Variants in NTAQ1 observed in about 807,000 individuals in gnomAD.
The protein encoded by NTAQ1 is N-terminal glutamine amidase 1.
Under a neutral mutation model 28.2 loss-of-function variants are expected in NTAQ1, and 21 were observed. The ratio of observed to expected loss-of-function variants is 0.74; its 90% CI spans 0.53 to 1.07. The LOEUF (loss-of-function observed/expected upper bound fraction) is 1.07, where lower values mean the gene tolerates loss of function less well. Ranked by LOEUF, NTAQ1 falls within the 50% of genes least tolerant of loss-of-function variation. The pLI, the probability that NTAQ1 is intolerant of heterozygous loss-of-function variation, is 0.00. For missense variants in NTAQ1, 264 were observed against 256.6 expected (o/e 1.03, Z -0.20); for synonymous variants, 105 against 90.0 (o/e 1.17, Z -0.94).
At chr8:123,462,046 T>C (rs1815837148) in intron 6 of NTAQ1, among the ~76,000 whole-genome samples, 1 of 152,164 alleles carries the variant, frequency 6.6e-6, no homozygotes, top group Non-Finnish European at 1.5e-5. Flanking sequence ...AGGGAGGTTT[T>C]CTTTTTAAAA....
chr8:123,448,687 A>C (rs575249575), downstream of NTAQ1, among the ~76,000 whole-genome samples: 10 of 152,294 alleles, frequency 6.6e-5, no homozygotes, highest in East Asian at 1.9e-3. Flanking sequence ...TTAGTGTCCC[A>C]CAGTTTTTGT....
At chr8:123,475,266 G>T in the NTAQ1 span, among the ~76,000 whole-genome samples, 1 of 152,056 alleles carries the variant, frequency 6.6e-6, no homozygotes, top group Non-Finnish European at 1.5e-5. Flanking sequence ...CTTGCTTTTT[G>T]ATGCTTACTT....
intron 6 of NTAQ1, among the ~76,000 whole-genome samples, chr8:123,455,421 A>ATTTT (rs925294146): frequency 0.015 from 1,776 of 115,398 alleles, 48 homozygotes; most frequent in African/African-American, 0.057. Flanking sequence ...ATGCCCAGAA[A>ATTTT]TTTTTTTTTT....
At chr8:123,469,780 C>T (rs757058106) in exon 7 of NTAQ1, among the ~76,000 whole-genome samples, 1 of 152,178 alleles carries the variant, frequency 6.6e-6, no homozygotes. Context: ...ACTAACTAGC[C>T]AAGGCAATAT....
downstream of NTAQ1, among the ~76,000 whole-genome samples, chr8:123,450,289 T>C (rs1189380873): frequency 6.6e-6 from 1 of 151,674 alleles, no homozygotes; most frequent in Non-Finnish European, 1.5e-5. Context: ...AGTTGAGGAC[T>C]GGGATGACCG....
intron 1 of NTAQ1, among the ~76,000 whole-genome samples, chr8:123,425,800 A>G (rs1814017470): frequency 2.0e-5 from 3 of 152,104 alleles, no homozygotes; most frequent in South Asian, 2.1e-4. Context: ...ACCTGAGGTC[A>G]GGAGTTCAAG....
chr8:123,457,509 CAATTA>C (rs1815683442), intron 6 of NTAQ1, among the ~76,000 whole-genome samples: 1 of 151,930 alleles, frequency 6.6e-6, no homozygotes, highest in South Asian at 2.1e-4. Flanking sequence ...ATATGTAATA[CAATTA>C]AATTTAAAGA....
chr8:123,428,669 C>T (rs912633105), intron 2 of NTAQ1, among the ~76,000 whole-genome samples: 2 of 148,900 alleles, frequency 1.3e-5, no homozygotes, highest in Non-Finnish European at 3.0e-5. Flanking sequence ...GGTGTGATCT[C>T]GGCTCACTGC....
intron 1 of NTAQ1, among the ~76,000 whole-genome samples, chr8:123,423,656 A>G (rs747348785): frequency 2.6e-5 from 4 of 152,024 alleles, no homozygotes; most frequent in Non-Finnish European, 4.4e-5. Context: ...TGAAACTTTC[A>G]TGGGATTCTC....
intron 6 of NTAQ1, among the ~76,000 whole-genome samples, chr8:123,459,178 C>A (rs1452006939): frequency 1.3e-5 from 2 of 150,308 alleles, no homozygotes; most frequent in Non-Finnish European, 3.0e-5. Flanking sequence ...CCCAGGACGT[C>A]GAGGCTGCAG....
intron 1 of NTAQ1, among the ~76,000 whole-genome samples, chr8:123,424,072 G>A (rs112522525): frequency 1.2e-5 from 1 of 85,864 alleles, no homozygotes; most frequent in African/African-American, 4.8e-5. Flanking sequence ...ATTTTTATGC[G>A]TTTTTTTTTT....
chr8:123,463,550 C>T (rs1301398886), intron 6 of NTAQ1, among the ~76,000 whole-genome samples: 1 of 152,180 alleles, frequency 6.6e-6, no homozygotes, highest in African/African-American at 2.4e-5. Context: ...TCCCATTTCT[C>T]AGTTTTGACT....
intron 6 of NTAQ1, among the ~76,000 whole-genome samples, chr8:123,463,093 T>C (rs1563908426): frequency 6.6e-6 from 1 of 152,242 alleles, no homozygotes; most frequent in Non-Finnish European, 1.5e-5. Context: ...GAACACTTTT[T>C]CTTTCTCTCT....
At chr8:123,434,854 G>T (rs1031611451) in intron 3 of NTAQ1, among the ~76,000 whole-genome samples, 1 of 152,074 alleles carries the variant, frequency 6.6e-6, no homozygotes, top group Non-Finnish European at 1.5e-5. Context: ...GGACTGTTTG[G>T]GGGCGTGGAG....
downstream of NTAQ1, among the ~76,000 whole-genome samples, chr8:123,442,811 G>A (rs1815127641): frequency 6.6e-6 from 1 of 150,644 alleles, no homozygotes. Context: ...TGGGATTACA[G>A]GTGTGCGCCA....
Position 123,437,266 on chromosome 8 carries a change from C to T in NTAQ1, c.440C>T (p.Ser147Phe). 1 of 1,614,156 alleles carries T rather than the reference C, an allele frequency of 6.2e-7. No homozygotes were observed. The highest frequency in any genetic ancestry group is 8.5e-7 in the Non-Finnish European group (1 of 1,180,024). ...SYLKNFASDR[S>F]HMKDSSGNWR... ...TTGAAGAACTTTGCTTCTGACCGAT[C>T]TCACATGAAAGACTCCAGTGGGAAT... Residue 147 changes from serine to phenylalanine, a missense_variant, in exon 5 of 6, where the codon TCT becomes TTT. Transcript: ENST00000287387.
chr8:123,472,193 A>T (rs1816048644), downstream of NTAQ1, among the ~76,000 whole-genome samples: 1 of 152,170 alleles, frequency 6.6e-6, no homozygotes, highest in Admixed American at 6.5e-5. Context: ...AACAGTGCTA[A>T]AAAATATCCA....
downstream of NTAQ1, among the ~76,000 whole-genome samples, chr8:123,449,929 A>ATGTGTGTGTGTGTGTGTGTGTGTGTG (rs368162793): frequency 1.5e-5 from 1 of 66,676 alleles, no homozygotes; most frequent in African/African-American, 5.7e-5. Context: ...GTATATATAT[A>ATGTGTGTGTGTGTGTGTGTGTGTGTG]TGTGTGTGTG....
chr8:123,462,885 G>A (rs1815870078), intron 6 of NTAQ1, among the ~76,000 whole-genome samples: 1 of 152,192 alleles, frequency 6.6e-6, no homozygotes, highest in Non-Finnish European at 1.5e-5. Flanking sequence ...GGACTTGGGA[G>A]AAGATAAATT....
Sources: gnomAD v4.1 joint callset for allele counts (sites outside exome capture counted in the v4.1 genomes callset) on GRCh38, gnomAD v4.1.1 for gene constraint, MANE v1.5 for transcripts, NCBI Gene and HGNC (gene_info 2026-07-23, HGNC 2026-07-21) for gene names.